Variants in LRRTM4 observed in about 807,000 individuals in gnomAD.
LRRTM4 encodes leucine-rich repeat transmembrane neuronal protein 4.
Under a neutral mutation model 47.6 loss-of-function variants are expected in LRRTM4, and 25 were observed. The ratio of observed to expected loss-of-function variants is 0.53; its 90% CI spans 0.38 to 0.73. The LOEUF is 0.73. Ranked by LOEUF, LRRTM4 falls within the 30% of genes least tolerant of loss-of-function variation. The pLI, the probability that LRRTM4 is intolerant of heterozygous loss-of-function variation, is 0.00. For synonymous variants in LRRTM4, 311 were observed against 269.5 expected (o/e 1.15, Z -1.51); for missense variants, 638 against 713.4 (o/e 0.89, Z 1.20).
intron 3 of LRRTM4, among the ~76,000 whole-genome samples, chr2:76,766,534 A>G (rs1203848089): frequency 6.6e-6 from 1 of 152,130 alleles, no homozygotes; most frequent in Non-Finnish European, 1.5e-5. Context: ...TCTGCCCTGC[A>G]TTGTGCCCAA....
chr2:77,141,070 C>A (rs62159130), intron 3 of LRRTM4, among the ~76,000 whole-genome samples: 53,351 of 151,916 alleles, frequency 0.35, 10,360 homozygotes, highest in African/African-American at 0.52. Context: ...GTGGCAATTC[C>A]TCAAGGATCT....
intron 3 of LRRTM4, among the ~76,000 whole-genome samples, chr2:77,152,485 C>T (rs778063598): frequency 2.0e-5 from 3 of 152,018 alleles, no homozygotes; most frequent in African/African-American, 4.8e-5. Context: ...TGTGCCACCA[C>T]GCCGGGCTAA....
intron 3 of LRRTM4, among the ~76,000 whole-genome samples, chr2:76,879,693 T>C (rs1672875197): frequency 1.3e-5 from 2 of 152,218 alleles, no homozygotes; most frequent in African/African-American, 2.4e-5. Flanking sequence ...ATATATTTTG[T>C]AAGCCTATAG....
intron 3 of LRRTM4, among the ~76,000 whole-genome samples, chr2:77,107,970 G>A (rs114112573): frequency 0.014 from 2,175 of 152,104 alleles, 49 homozygotes; most frequent in African/African-American, 0.05. Flanking sequence ...TAGATATGAT[G>A]AAGTTTTGCT....
At chr2:77,169,943 G>A (rs922530386) in intron 3 of LRRTM4, among the ~76,000 whole-genome samples, 7 of 152,160 alleles carry the variant, frequency 4.6e-5, no homozygotes, top group South Asian at 2.1e-4. Context: ...TCATGGTTAC[G>A]TATTTGTTAT....
chr2:76,768,809 A>T (rs995829901), intron 3 of LRRTM4, among the ~76,000 whole-genome samples: 1 of 152,168 alleles, frequency 6.6e-6, no homozygotes, highest in Non-Finnish European at 1.5e-5. Context: ...TGAAATTAGG[A>T]TCTGATTCCT....
At chr2:77,089,210 G>T (rs926741547) in intron 3 of LRRTM4, among the ~76,000 whole-genome samples, 1 of 143,396 alleles carries the variant, frequency 7.0e-6, no homozygotes, top group South Asian at 2.2e-4. Context: ...CTTTTCCAGG[G>T]ACAGGGCAAG....
chr2:77,336,557 G>T (rs1319539069), intron 3 of LRRTM4, among the ~76,000 whole-genome samples: 1 of 152,064 alleles, frequency 6.6e-6, no homozygotes, highest in Admixed American at 6.6e-5. Context: ...TGCAAGGATG[G>T]TTCAACATAG....
At chr2:77,363,435 C>T (rs550003864) in intron 3 of LRRTM4, among the ~76,000 whole-genome samples, 9 of 152,228 alleles carry the variant, frequency 5.9e-5, no homozygotes, top group East Asian at 1.9e-4. Flanking sequence ...CAGCGTTGTC[C>T]CTAATGACAA....
intron 3 of LRRTM4, among the ~76,000 whole-genome samples, chr2:76,859,556 C>A (rs1672253006): frequency 6.6e-6 from 1 of 151,884 alleles, no homozygotes; most frequent in African/African-American, 2.4e-5. Context: ...TTCCTGTATC[C>A]CTAACCTACA....
At chr2:76,888,755 G>GC (rs1470688349) in intron 3 of LRRTM4, among the ~76,000 whole-genome samples, 1 of 150,750 alleles carries the variant, frequency 6.6e-6, no homozygotes, top group African/African-American at 2.4e-5. Context: ...CTGCACTTTT[G>GC]CTCCTATGTA....
chr2:76,984,341 G>GT (rs1271107222), intron 3 of LRRTM4, among the ~76,000 whole-genome samples: 1 of 151,820 alleles, frequency 6.6e-6, no homozygotes, highest in African/African-American at 2.4e-5. Context: ...TAAATGTGTA[G>GT]TTTTTTTGGT....
At chr2:77,438,371 A>G (rs1381790699) in intron 3 of LRRTM4, among the ~76,000 whole-genome samples, 1 of 140,034 alleles carries the variant, frequency 7.1e-6, no homozygotes, top group Non-Finnish European at 1.5e-5. Flanking sequence ...TAAAAGCTAC[A>G]TTTTCGCTCT....
At chr2:76,924,691 G>A (rs1272348867) in intron 3 of LRRTM4, among the ~76,000 whole-genome samples, 1 of 151,844 alleles carries the variant, frequency 6.6e-6, no homozygotes, top group Non-Finnish European at 1.5e-5. Flanking sequence ...GATTTCATCT[G>A]TGAGAAACAC....
intron 3 of LRRTM4, among the ~76,000 whole-genome samples, chr2:76,757,245 ATTTG>A (rs944937712): frequency 4.6e-5 from 7 of 152,200 alleles, no homozygotes; most frequent in South Asian, 2.1e-4. Context: ...TCTCTATAGC[ATTTG>A]TTTGTCTTGT....
intron 3 of LRRTM4, among the ~76,000 whole-genome samples, chr2:76,804,585 T>G (rs1247904920): frequency 6.7e-6 from 1 of 150,232 alleles, no homozygotes; most frequent in African/African-American, 2.4e-5. Context: ...ACTGGGTACA[T>G]CTGTACAAGA....
intron 3 of LRRTM4, among the ~76,000 whole-genome samples, chr2:77,043,584 A>G (rs1679111694): frequency 6.6e-6 from 1 of 151,562 alleles, no homozygotes; most frequent in African/African-American, 2.4e-5. Flanking sequence ...ACTGCAAGAG[A>G]GAAGAGAGAG....
chr2:77,099,194 TATTA>T (rs566089755), intron 3 of LRRTM4, among the ~76,000 whole-genome samples: 2 of 151,960 alleles, frequency 1.3e-5, no homozygotes, highest in African/African-American at 2.4e-5. Context: ...TCTAAAATAG[TATTA>T]ATTATCATAT....
chr2:77,232,290 T>C (rs1312948374), intron 3 of LRRTM4, among the ~76,000 whole-genome samples: 1 of 152,244 alleles, frequency 6.6e-6, no homozygotes, highest in Non-Finnish European at 1.5e-5. Flanking sequence ...TATTATTTAA[T>C]TTTAAAGAAC....
Sources: allele counts gnomAD v4.1 joint callset (sites outside exome capture counted in the v4.1 genomes callset), GRCh38; gene constraint gnomAD v4.1.1; transcripts MANE v1.5; gene names NCBI Gene and HGNC (gene_info 2026-07-23, HGNC 2026-07-21).